Variants in CEP164 observed in about 807,000 individuals in gnomAD.
CEP164 encodes centrosomal protein 164, also known as centrosomal protein of 164 kDa.
CEP164 carries 162 observed loss-of-function variants against 182.7 expected under a neutral mutation model. The observed-to-expected ratio is 0.89, with a 90% CI of 0.78 to 1.01. The LOEUF is 1.01. Ranked by LOEUF, CEP164 falls within the 50% of genes least tolerant of loss-of-function variation. The pLI, the probability that CEP164 is intolerant of heterozygous loss-of-function variation, is 0.00. For synonymous variants in CEP164, 661 were observed against 690.0 expected (o/e 0.96, Z 0.66); for missense variants, 1,735 against 1,790.4 (o/e 0.97, Z 0.56).
chr11:117,338,649 C>T lies in CEP164; in HGVS notation c.63C>T (p.Thr21=). ...TTCTGGAAGAAGATTATGATGAGAC[C>T]TACATTCCTAGTGAGCAAGGTAACA... ...QLVLEEDYDE[T]YIPSEQEILE... Residue 21 remains threonine (T), a synonymous_variant, in exon 3 of 33, where the codon ACC becomes ACT. Coordinates refer to ENST00000278935, the MANE Select transcript of CEP164 (RefSeq NM_014956.5). The T allele has an allele frequency of 6.2e-7, 1 of 1,613,740 alleles. No individual in the cohort carries two copies. Among genetic ancestry groups the T allele is most frequent in the Non-Finnish European group, 8.5e-7 (1 of 1,179,676 alleles).
At chr11:117,390,960 G>C in intron 16 of CEP164, 39 bp from the exon 17 acceptor site, 1 of 1,613,932 alleles carries the variant, frequency 6.2e-7, no homozygotes, top group Non-Finnish European at 8.5e-7. Context: ...GCGACCCCAG[G>C]GTGCACAGGC....
intron 10 of CEP164, among the ~76,000 whole-genome samples, chr11:117,375,161 T>C (rs560057986): frequency 5.9e-5 from 9 of 152,358 alleles, no homozygotes; most frequent in African/African-American, 2.2e-4. Context: ...TCTGGGGATG[T>C]TGGCATCTCT....
At position 117,397,078 on chromosome 11, in the gene CEP164, T is replaced by G; in HGVS notation, c.3279-13T>G. On this transcript the variant is annotated splice_polypyrimidine_tract_variant and intron_variant, in intron 26 of 32. Transcript: ENST00000278935. Reference sequence around the variant, plus strand: ...GAGGCTTCTGTTTTCCTTCTTCAACTCTCCTGCTCCAGCCTGTCCTCCCAC... The same window carrying G: ...GAGGCTTCTGTTTTCCTTCTTCAACGCTCCTGCTCCAGCCTGTCCTCCCAC... 6.2e-7 allele frequency: 1 copy of G among 1,609,382 alleles called. No individual in the cohort carries two copies.
At chr11:117,359,961 T>C (rs1434183927) in intron 5 of CEP164, among the ~76,000 whole-genome samples, 9 of 152,136 alleles carry the variant, frequency 5.9e-5, no homozygotes, top group Non-Finnish European at 1.0e-4. Flanking sequence ...TTCTGACTCG[T>C]AGCCTGATTT....
chr11:117,390,245 T>A (rs2044463161), intron 15 of CEP164, among the ~76,000 whole-genome samples: 1 of 151,926 alleles, frequency 6.6e-6, no homozygotes, highest in Non-Finnish European at 1.5e-5. Flanking sequence ...GCCCGGCCAT[T>A]AGTTTGCTTC....
chr11:117,372,606 G>A (rs1406367262), intron 9 of CEP164, among the ~76,000 whole-genome samples: 11 of 151,898 alleles, frequency 7.2e-5, no homozygotes, highest in African/African-American at 2.2e-4. Context: ...TAGTAGAGAC[G>A]GGGTTTCTCC....
intron 5 of CEP164, among the ~76,000 whole-genome samples, chr11:117,358,190 A>G (rs528615251): frequency 5.3e-5 from 8 of 152,320 alleles, no homozygotes; most frequent in South Asian, 2.1e-4. Context: ...CAGTAAGTCT[A>G]TCTGCTCTGA....
chr11:117,330,939 G>A (rs1048977357), intron 1 of CEP164, among the ~76,000 whole-genome samples: 5 of 152,194 alleles, frequency 3.3e-5, no homozygotes, highest in African/African-American at 1.2e-4. Context: ...GCAGAGCTGG[G>A]ATTGAAAGCC....
intron 9 of CEP164, among the ~76,000 whole-genome samples, chr11:117,373,105 A>G (rs572587233): frequency 6.6e-6 from 1 of 152,256 alleles, no homozygotes; most frequent in South Asian, 2.1e-4. Flanking sequence ...ACGGTGGCTC[A>G]TGCCTGTAAT....
intron 11 of CEP164, 104 bp downstream of exon 11, chr11:117,375,895 T>A (rs2136014405): frequency 1.1e-6 from 1 of 947,186 alleles, no homozygotes; most frequent in Non-Finnish European, 1.7e-6. Context: ...TGCATTTCTG[T>A]AAGTCCTCTC....
In CEP164 at chr11:117,394,830, G is replaced by A; in HGVS notation, c.2761-90G>A. Reference sequence around the variant, plus strand: ...GCCTGAGCCCAGAGTGGAGGTTGTGGTGTGGCATGGTGGGTTCTGGAACCC... The same window carrying A: ...GCCTGAGCCCAGAGTGGAGGTTGTGATGTGGCATGGTGGGTTCTGGAACCC... On this transcript the variant is annotated intron_variant, in intron 21 of 32. Coordinates refer to ENST00000278935, the MANE Select transcript of CEP164 (RefSeq NM_014956.5). This position sits in a 1 kb window ranked among gnomAD's most constrained non-coding sequence, Gnocchi z 4.0. 1 of 1,261,618 alleles carries A rather than the reference G, an allele frequency of 7.9e-7. No individual in the cohort carries two copies. Among genetic ancestry groups the A allele is most frequent in the Non-Finnish European group, 1.1e-6 (1 of 872,580 alleles). 78.2% of individuals were successfully genotyped at this position (1,261,618 alleles called of 1,614,324 possible). A position where few individuals can be genotyped will look rare whatever the true frequency, so the allele number is the denominator to read the frequency against.
intron 3 of CEP164, 99 bp downstream of exon 3, chr11:117,338,767 C>A (rs997518568): frequency 1.3e-5 from 12 of 954,832 alleles, no homozygotes; most frequent in Non-Finnish European, 1.7e-5. Flanking sequence ...AAGTATGGTA[C>A]ATGTACAGAG....
At chr11:117,331,047 G>A (rs137951065) in intron 1 of CEP164, among the ~76,000 whole-genome samples, 73 of 152,272 alleles carry the variant, frequency 4.8e-4, no homozygotes, top group Admixed American at 1.4e-3. Context: ...CTTTTCTGTG[G>A]TCAACCTTCT....
rs767609128 is a variant in CEP164 at position 117,371,146 on chromosome 11, C to T, written c.832C>T (p.Pro278Ser). ...DVSLDSDAAG[P>S]PTPCKPSSPG... is the part of the protein sequence containing the mutation. ...TTCTCTGGATTCAGATGCTGCCGGT[C>T]CCCCTACTCCCTGCAAGCCCTCCAG... Residue 278 changes from proline to serine, a missense_variant, in exon 9 of 33, where the codon CCC becomes TCC. Transcript: ENST00000278935. The T allele has an allele frequency of 1.1e-5, 17 of 1,612,912 alleles. No individual in the cohort carries two copies. The Admixed American group carries it at 2.5e-4, about 24-fold the overall frequency.
At position 117,397,079 on chromosome 11, in the gene CEP164, C is replaced by T. The variant is rs749577674; in HGVS notation, c.3279-12C>T. 5.0e-6 allele frequency: 8 copies of T among 1,611,292 alleles called. No individual in the cohort carries two copies. In the Admixed American group the frequency reaches 5.0e-5, roughly 10 times the overall value. On this transcript the variant is annotated splice_polypyrimidine_tract_variant and intron_variant, in intron 26 of 32. Coordinates refer to ENST00000278935, the MANE Select transcript of CEP164 (RefSeq NM_014956.5). The stretch of plus-strand genomic sequence containing the variant: ...AGGCTTCTGTTTTCCTTCTTCAACT[C>T]TCCTGCTCCAGCCTGTCCTCCCACA...
Position 117,411,859 on chromosome 11 carries a change from C to T in CEP164, c.4228C>T (p.Gln1410Ter), listed in dbSNP as rs147398904. 3,109 of 1,614,176 alleles carry T rather than the reference C, an allele frequency of 1.9e-3. 2 individuals carry two copies. Among genetic ancestry groups the T allele is most frequent in the Non-Finnish European group, 2.5e-3 (2,935 of 1,180,032 alleles). ...CCCTGAGGCGGGCAGCACCACCTTTCAGGGCATAATTGAGGCCAACCGGAG... is the reference window on the plus strand; with the variant it reads ...CCCTGAGGCGGGCAGCACCACCTTTTAGGGCATAATTGAGGCCAACCGGAG... The part of the protein sequence containing the change: ...QVPEAGSTTF[Q>*]GIIEANRRWL... Residue 1410 changes from glutamine (Q) to a stop codon, truncating the protein, a stop_gained, in exon 32 of 33, where the codon CAG becomes TAG. Coordinates refer to ENST00000278935, the MANE Select transcript of CEP164 (RefSeq NM_014956.5). LOFTEE classifies it high-confidence loss of function. The surrounding 1 kb of genome is among the most constrained non-coding windows in gnomAD (Gnocchi z 4.4).
chr11:117,375,683 A>G, intron 10 of CEP164, 25 bp from the exon 11 acceptor site: 3 of 1,610,838 alleles, frequency 1.9e-6, no homozygotes, highest in Non-Finnish European at 2.5e-6. Context: ...GGCAGAGTTG[A>G]CCTTTGCATC....
Position 117,391,150 on chromosome 11 carries a change from C to T in CEP164, c.2218C>T (p.Leu740=). Residue 740 remains leucine (L), a synonymous_variant, in exon 17 of 33, where the codon CTG becomes TTG. Transcript: ENST00000278935. ...EASEKSEQAA[L]NAAKEKALQQ... ...TTCGGAGAAGAGCGAGCAGGCTGCC[C>T]TGAATGCTGCAAAGGAGAAGGCTCT... is the stretch of plus-strand genomic sequence containing the variant. The T allele has an allele frequency of 6.2e-7, 1 of 1,613,524 alleles. No individual in the cohort carries two copies. The highest frequency in any genetic ancestry group is 8.5e-7 in the Non-Finnish European group (1 of 1,179,902).
chr11:117,362,089 A>G lies in CEP164; in HGVS notation c.552+96A>G, dbSNP rs143378905. 59 of 1,213,562 alleles carry G rather than the reference A, an allele frequency of 4.9e-5. No homozygotes were observed. The African/African-American group carries it at 6.1e-4, about 13-fold the overall frequency. 75.2% of individuals were successfully genotyped at this position (1,213,562 alleles called of 1,614,324 possible). ...TGGCCTAGGGGTGAGAAATAGACAG[A>G]ATCGGTGGAGTCCTCAGAGTTCGTA... On this transcript the variant is annotated intron_variant, in intron 6 of 32. Coordinates refer to ENST00000278935, the MANE Select transcript of CEP164 (RefSeq NM_014956.5).
Sources: allele counts gnomAD v4.1 joint callset (sites outside exome capture counted in the v4.1 genomes callset), GRCh38; gene constraint gnomAD v4.1.1; non-coding constraint Gnocchi (gnomAD v3.1); transcripts MANE v1.5; gene names NCBI Gene and HGNC (gene_info 2026-07-23, HGNC 2026-07-21).